Variants in ENDOU observed in about 807,000 individuals in gnomAD.
ENDOU encodes the protein endonuclease, poly(U) specific, also known as uridylate-specific endoribonuclease.
A neutral mutation model predicts 54.2 loss-of-function variants in ENDOU; 49 were observed. The ratio of observed to expected loss-of-function variants is 0.90; its 90% CI spans 0.72 to 1.15. The LOEUF is 1.15. Among genes scored for constraint, ENDOU ranks in the 50% most tolerant of loss-of-function variants. The probability of loss-of-function intolerance (pLI) is 0.00; values close to 1 mark genes in which losing one functional copy is unlikely to be tolerated. For synonymous variants in ENDOU, 172 were observed against 190.5 expected (o/e 0.90, Z 0.80); for missense variants, 458 against 511.4 (o/e 0.90, Z 1.01).
chr12:47,717,950 C>T lies in ENDOU; in HGVS notation c.244+179G>A, dbSNP rs1940314071. Reference sequence around the variant, plus strand: ...TTTCCTAGCTACCCTCCTCCCATGGCCCCCCAGGCTGGCTGAGCCCCCCCA... The same window carrying T: ...TTTCCTAGCTACCCTCCTCCCATGGTCCCCCAGGCTGGCTGAGCCCCCCCA... On this transcript the variant is annotated intron_variant, in intron 3 of 9. Transcript: ENST00000422538. The T allele has an allele frequency of 2.2e-5, 14 of 635,042 alleles. No individual in the cohort carries two copies. In the East Asian group the frequency reaches 3.7e-4, roughly 17 times the overall value. The allele number at this position is 635,042 out of a possible 1,614,324, so 39.3% of individuals were successfully genotyped here.
chr12:47,725,222 G>C (rs2136697737), intron 1 of ENDOU, 137 bp downstream of exon 1: 2 of 910,070 alleles, frequency 2.2e-6, no homozygotes, highest in East Asian at 5.1e-5. Flanking sequence ...CAACCCAAAA[G>C]TGCTCTGCGG....
intron 4 of ENDOU, 44 bp from the exon 5 acceptor site, chr12:47,717,102 AG>A (rs764275553): frequency 1.3e-6 from 2 of 1,585,546 alleles, no homozygotes; most frequent in South Asian, 1.1e-5. Flanking sequence ...CCAGAGGGAA[AG>A]GGGGGCGGGC....
intron 8 of ENDOU, 33 bp downstream of exon 8, chr12:47,712,483 C>T (rs1271006183): frequency 1.3e-6 from 2 of 1,509,158 alleles, no homozygotes; most frequent in Non-Finnish European, 1.8e-6. Context: ...GATATCTGGG[C>T]TCTGACAAGG....
chr12:47,716,145 C>T (rs1940220879), intron 6 of ENDOU, among the ~76,000 whole-genome samples, 155 bp downstream of exon 6: 1 of 152,046 alleles, frequency 6.6e-6, no homozygotes, highest in Non-Finnish European at 1.5e-5. Flanking sequence ...CCTTGGCTTC[C>T]CCCTGGCCTC....
At position 47,710,677 on chromosome 12, in the gene ENDOU, AATGCT is replaced by A; in HGVS notation, c.*120_*124del. 1 of 704,600 alleles carries A rather than the reference AATGCT, an allele frequency of 1.4e-6. No homozygotes were observed. The highest frequency in any genetic ancestry group is 2.5e-5 in the East Asian group (1 of 39,262). The allele number at this position is 704,600 out of a possible 1,614,324, so 43.6% of individuals were successfully genotyped here. ...CCATGTGGGCACTTTGGGATTTAGG[AATGCT>A]TCTCATTGCTTTGAGATTTGGTGAT... On this transcript the variant is annotated 3_prime_UTR_variant, in exon 10 of 10. Transcript: ENST00000422538.
At chr12:47,716,663 C>G (rs1191686883) in intron 5 of ENDOU, among the ~76,000 whole-genome samples, 164 bp from the exon 6 acceptor site, 2 of 152,178 alleles carry the variant, frequency 1.3e-5, no homozygotes, top group Non-Finnish European at 2.9e-5. Context: ...CACTTTTCTT[C>G]CACCTCATGT....
chr12:47,714,440 G>A (rs550845355), intron 6 of ENDOU, among the ~76,000 whole-genome samples: 11 of 152,366 alleles, frequency 7.2e-5, no homozygotes, highest in African/African-American at 2.6e-4. Context: ...CCAGTCTTGA[G>A]GCTCATGCTT....
intron 1 of ENDOU, among the ~76,000 whole-genome samples, chr12:47,724,038 G>T (rs1459052383): frequency 6.6e-6 from 1 of 152,158 alleles, no homozygotes; most frequent in Non-Finnish European, 1.5e-5. Flanking sequence ...CGATCCCACA[G>T]CCAAAGCAGA....
At position 47,721,104 on chromosome 12, in the gene ENDOU, C is replaced by A. The variant is rs561653578; in HGVS notation, c.56-229G>T. Among the ~76,000 whole-genome samples, 11 of 152,314 alleles carry A rather than the reference C, an allele frequency of 7.2e-5. No individual in the cohort carries two copies. The South Asian group carries it at 2.1e-3, about 29-fold the overall frequency. On this transcript the variant is annotated intron_variant, in intron 1 of 9. Transcript: ENST00000422538. ...AGGCTCATCAAAGAGACCAGGATCA[C>A]AAACCCAAATCCCTATTTGGGTTAG...
At chr12:47,716,203 C>G (rs1347201269) in intron 6 of ENDOU, 97 bp downstream of exon 6, 15 of 1,176,534 alleles carry the variant, frequency 1.3e-5, no homozygotes, top group Non-Finnish European at 1.8e-5. Context: ...GAGTCCCCAC[C>G]GCCTCCTCAC....
intron 1 of ENDOU, among the ~76,000 whole-genome samples, chr12:47,722,047 G>T (rs1940450167): frequency 2.0e-5 from 3 of 152,214 alleles, no homozygotes; most frequent in Non-Finnish European, 4.4e-5. Flanking sequence ...TGATATTTGG[G>T]TAAGGAATAG....
chr12:47,718,669 G>A (rs1350701328), intron 2 of ENDOU, among the ~76,000 whole-genome samples: 1 of 152,166 alleles, frequency 6.6e-6, no homozygotes, highest in Non-Finnish European at 1.5e-5. Flanking sequence ...ACTTGGAAAT[G>A]GCCACAAAGA....
chr12:47,713,383 A>G lies in ENDOU; in HGVS notation c.757T>C (p.Tyr253His), dbSNP rs755373751. Residue 253 changes from tyrosine to histidine, a missense_variant, in exon 7 of 10, where the codon TAT (tyrosine) becomes CAT (histidine). Tyr to His is a moderately conservative substitution (Grantham distance 83). Coordinates refer to ENST00000422538, the MANE Select transcript of ENDOU (RefSeq NM_001172439.2). ...LYSFLHHQNR[Y>H]GSEQEFVDDL... ...TCGACAAACTCTTGCTCTGAGCCAT[A>G]GCGATCTGCAGAGGAACACAAAGGG... 1.9e-5 allele frequency: 31 copies of G among 1,612,976 alleles called. No homozygotes were observed. In the Admixed American group the frequency reaches 3.0e-4, roughly 16 times the overall value.
chr12:47,717,721 T>TAGGGAGCGACAGCCTGTGGG, intron 3 of ENDOU, 66 bp from the exon 4 acceptor site: 1 of 1,543,546 alleles, frequency 6.5e-7, no homozygotes, highest in Non-Finnish European at 8.8e-7. Context: ...CCCCACAGGC[T>TAGGGAGCGACAGCCTGTGGG]GTCGCTCCCT....
In ENDOU at chr12:47,716,796, C is replaced by A. The variant is rs554407789; in HGVS notation, c.551+94G>T. ...ATTTTTTTTCTGCTCTCCCTTTGAT[C>A]GTGCCTGACTTGAGGATAAAAAGTC... is the stretch of plus-strand genomic sequence containing the variant. On this transcript the variant is annotated intron_variant, in intron 5 of 9. Coordinates refer to ENST00000422538, the MANE Select transcript of ENDOU (RefSeq NM_001172439.2). 3.8e-6 allele frequency: 5 copies of A among 1,301,468 alleles called. No homozygotes were observed. The African/African-American group carries it at 4.4e-5, about 12-fold the overall frequency. 80.6% of individuals were successfully genotyped at this position (1,301,468 alleles called of 1,614,324 possible).
rs776166245 is a variant in ENDOU, at chr12:47,725,457, C to T, written c.-44G>A. Reference sequence around the variant, plus strand: ...AAAAAGGGAGTGGCTGTTGGACTTTCACTAGAGTCAGATGAATGTCACAGC... The same window carrying T: ...AAAAAGGGAGTGGCTGTTGGACTTTTACTAGAGTCAGATGAATGTCACAGC... On this transcript the variant is annotated 5_prime_UTR_variant, in exon 1 of 10. Transcript: ENST00000422538. 6.3e-6 allele frequency: 10 copies of T among 1,583,946 alleles called. No individual in the cohort carries two copies. In the African/African-American group the frequency reaches 1.3e-4, roughly 21 times the overall value.
Position 47,717,762 on chromosome 12 carries a change from G to C in ENDOU, c.245-107C>G, listed in dbSNP as rs1210063252. 5.1e-6 allele frequency: 6 copies of C among 1,182,484 alleles called. No individual in the cohort carries two copies. The African/African-American group carries it at 9.2e-5, about 18-fold the overall frequency. The allele number at this position is 1,182,484 out of a possible 1,614,324, so 73.2% of individuals were successfully genotyped here. A position where few individuals can be genotyped will look rare whatever the true frequency, so the allele number is the denominator to read the frequency against. ...GGCTGTCTTCACTCTGCCCAGTAAA[G>C]ATCTCCAGGGAAGGAAAACAAACAA... is the stretch of plus-strand genomic sequence containing the variant. On this transcript the variant is annotated intron_variant, in intron 3 of 9. Coordinates refer to ENST00000422538, the MANE Select transcript of ENDOU (RefSeq NM_001172439.2).
intron 1 of ENDOU, among the ~76,000 whole-genome samples, chr12:47,723,849 T>A (rs1284758991): frequency 2.0e-5 from 3 of 152,102 alleles, no homozygotes; most frequent in Non-Finnish European, 4.4e-5. Flanking sequence ...ACCAAAAAAA[T>A]CAACCAAGGT....
At chr12:47,716,819 G>T (rs1940255906) in intron 5 of ENDOU, 71 bp downstream of exon 5, 2 of 1,499,654 alleles carry the variant, frequency 1.3e-6, no homozygotes, top group Admixed American at 1.7e-5. Flanking sequence ...AGGATAAAAA[G>T]TCGAGACATC....
Sources: allele counts gnomAD v4.1 joint callset (sites outside exome capture counted in the v4.1 genomes callset), GRCh38; gene constraint gnomAD v4.1.1; transcripts MANE v1.5; gene names NCBI Gene and HGNC (gene_info 2026-07-23, HGNC 2026-07-21).